TBC1D22B: variants seen among roughly 807,000 people sequenced by gnomAD.
TBC1D22B encodes TBC1 domain family member 22B, also known as chromosome 6 open reading frame 197.
Under a neutral mutation model 69.1 loss-of-function variants are expected in TBC1D22B, and 32 were observed. That is an observed-to-expected ratio of 0.46 (90% CI 0.35 to 0.62). The LOEUF is 0.62. Ranked by LOEUF, TBC1D22B falls within the 20% of genes least tolerant of loss-of-function variation. The probability of loss-of-function intolerance (pLI) is 0.00; values close to 1 mark genes in which losing one functional copy is unlikely to be tolerated. For missense variants in TBC1D22B, 462 were observed against 630.9 expected (o/e 0.73, Z 2.87); for synonymous variants, 206 against 229.8 (o/e 0.90, Z 0.94).
intron 8 of TBC1D22B, among the ~76,000 whole-genome samples, chr6:37,304,629 TG>T (rs1767655981): frequency 6.6e-6 from 1 of 151,976 alleles, no homozygotes; most frequent in Admixed American, 6.6e-5. Flanking sequence ...TGGTGGGAGG[TG>T]GGCTGAGAAT....
chr6:37,308,928 G>A (rs1767819551), intron 8 of TBC1D22B, among the ~76,000 whole-genome samples: 1 of 122,794 alleles, frequency 8.1e-6, no homozygotes. Context: ...AGGCAATATA[G>A]TAAGATCCTG....
intron 12 of TBC1D22B, among the ~76,000 whole-genome samples, chr6:37,324,588 C>T (rs142412370): frequency 5.3e-5 from 8 of 152,088 alleles, no homozygotes; most frequent in Non-Finnish European, 1.0e-4. Context: ...GGCAGTGTGA[C>T]ACCAATATGG....
intron 8 of TBC1D22B, 73 bp downstream of exon 8, chr6:37,291,430 C>A (rs1767179191): frequency 6.2e-6 from 7 of 1,134,530 alleles, no homozygotes; most frequent in African/African-American, 1.6e-5. Context: ...TTGTTTTTCC[C>A]AAGAGTCCAG....
chr6:37,269,732 A>G, intron 2 of TBC1D22B, 82 bp downstream of exon 2: 1 of 1,363,620 alleles, frequency 7.3e-7, no homozygotes, highest in Non-Finnish European at 1.0e-6. Context: ...GACAGTTTCC[A>G]CCTTGACATT....
chr6:37,314,481 G>A (rs1208654670), intron 10 of TBC1D22B, among the ~76,000 whole-genome samples: 2 of 152,160 alleles, frequency 1.3e-5, no homozygotes, highest in African/African-American at 4.8e-5. Context: ...ATTGAGATGT[G>A]GCTCTTCCTA....
intron 1 of TBC1D22B, among the ~76,000 whole-genome samples, chr6:37,264,770 A>G (rs1322153360): frequency 1.3e-5 from 2 of 152,214 alleles, no homozygotes; most frequent in Non-Finnish European, 2.9e-5. Context: ...TGCAGGATGG[A>G]TACAATTTTG....
intron 3 of TBC1D22B, among the ~76,000 whole-genome samples, chr6:37,280,941 G>A (rs1386564674): frequency 1.3e-5 from 2 of 152,046 alleles, no homozygotes; most frequent in Non-Finnish European, 2.9e-5. Context: ...TGCAGTGTGT[G>A]TCTGCATTTT....
At chr6:37,330,926 T>G in intron 12 of TBC1D22B, 118 bp from the exon 13 acceptor site, 172 of 1,016,040 alleles carry the variant, frequency 1.7e-4, no homozygotes, top group Non-Finnish European at 2.3e-4. Context: ...CTGGACTCTT[T>G]GAGATGTGTG....
Position 37,291,250 on chromosome 6 carries a change from A to G in TBC1D22B, c.875A>G (p.Glu292Gly). ...TCTTTCTCATTTTCCTAGATCTTTG[A>G]AAGAATTCTATTTATTTGGGCCATC... is the stretch of plus-strand genomic sequence containing the variant. ...FQQPLVQEIFERILFIWAIRH... is the reference protein window; with the variant it reads ...FQQPLVQEIFGRILFIWAIRH... The change falls in exon 8 of 13, where the codon GAA becomes GGA. Residue 292 changes from glutamate to glycine, a missense_variant. Physicochemically the swap from Glu to Gly is moderately conservative, Grantham distance 98. Transcript: ENST00000373491. 5 of 1,611,898 alleles carry G rather than the reference A, an allele frequency of 3.1e-6. No individual in the cohort carries two copies. Among genetic ancestry groups the G allele is most frequent in the Non-Finnish European group, 4.2e-6 (5 of 1,178,040 alleles).
Position 37,316,735 on chromosome 6 carries a change from G to A in TBC1D22B, c.1198G>A (p.Val400Ile). The A allele has an allele frequency of 1.2e-6, 2 of 1,614,190 alleles. No individual in the cohort carries two copies. Among genetic ancestry groups the A allele is most frequent in the African/African-American group, 1.3e-5 (1 of 75,052 alleles). ...QVHNHFRRYE[V>I]EYLQFAFRWM... Reference sequence around the variant, plus strand: ...ACATAATCACTTCAGGAGGTACGAGGTAGAATACCTGCAGTTTGCCTTCCG... The same window carrying A: ...ACATAATCACTTCAGGAGGTACGAGATAGAATACCTGCAGTTTGCCTTCCG... The change falls in exon 11 of 13, where the codon GTA (valine) becomes ATA (isoleucine). Residue 400 changes from valine to isoleucine, a missense_variant. Physicochemically the swap from Val to Ile is conservative, Grantham distance 29. Coordinates refer to ENST00000373491, the MANE Select transcript of TBC1D22B (RefSeq NM_017772.4).
chr6:37,269,587 C>G lies in TBC1D22B; in HGVS notation c.57-7C>G. The G allele has an allele frequency of 6.2e-7, 1 of 1,613,924 alleles. No homozygotes were observed. The highest frequency in any genetic ancestry group is 1.1e-5 in the South Asian group (1 of 91,078). On this transcript the variant is annotated splice_polypyrimidine_tract_variant and splice_region_variant and intron_variant, in intron 1 of 12. Coordinates refer to ENST00000373491, the MANE Select transcript of TBC1D22B (RefSeq NM_017772.4). ...TAACTATTTCTTCCTTTTGTTTTTGCTTTTAGCATTCAGCCTGTATATGGA... is the reference window on the plus strand; with the variant it reads ...TAACTATTTCTTCCTTTTGTTTTTGGTTTTAGCATTCAGCCTGTATATGGA...
At chr6:37,259,241 TAGAA>T (rs1765980647) in intron 1 of TBC1D22B, among the ~76,000 whole-genome samples, 3 of 152,280 alleles carry the variant, frequency 2.0e-5, no homozygotes, top group African/African-American at 7.2e-5. Flanking sequence ...ATTAAAGTAA[TAGAA>T]AGGAATGCAA....
In TBC1D22B at chr6:37,317,286, A is replaced by AGGTGCCATAGCAGCC. The variant is rs1768111456; in HGVS notation, c.1389+80_1389+81insGGTGCCATAGCAGCC. 7.2e-6 allele frequency: 10 copies of AGGTGCCATAGCAGCC among 1,384,018 alleles called. No individual in the cohort carries two copies. In the South Asian group the frequency reaches 1.2e-4, roughly 17 times the overall value. The allele number at this position is 1,384,018 out of a possible 1,614,324, so 85.7% of individuals were successfully genotyped here. On this transcript the variant is annotated intron_variant, in intron 12 of 12. Coordinates refer to ENST00000373491, the MANE Select transcript of TBC1D22B (RefSeq NM_017772.4). ...GCCCCTCAGTGGGCAGTGCAGACAG[A>AGGTGCCATAGCAGCC]AGGTGCCATAGCAGGTACCTGGCTG...
intron 12 of TBC1D22B, among the ~76,000 whole-genome samples, chr6:37,322,068 A>G (rs918669155): frequency 3.3e-5 from 5 of 152,174 alleles, no homozygotes; most frequent in Admixed American, 6.5e-5. Flanking sequence ...GGTCATTTTT[A>G]CATAATCACA....
chr6:37,305,855 T>C (rs1425897740), intron 8 of TBC1D22B, among the ~76,000 whole-genome samples: 1 of 152,212 alleles, frequency 6.6e-6, no homozygotes, highest in Non-Finnish European at 1.5e-5. Flanking sequence ...CTAATTTGAA[T>C]CATATAGTAA....
chr6:37,296,002 G>A (rs1027609706), intron 8 of TBC1D22B, among the ~76,000 whole-genome samples: 3 of 152,232 alleles, frequency 2.0e-5, no homozygotes, highest in African/African-American at 7.2e-5. Context: ...ACCCTGGTCA[G>A]TCAGCAGCCA....
In TBC1D22B at chr6:37,279,602, A is replaced by G. The variant is rs955594652; in HGVS notation, c.412A>G (p.Arg138Gly). 6.2e-7 allele frequency: 1 copy of G among 1,609,802 alleles called. No homozygotes were observed. Among genetic ancestry groups the G allele is most frequent in the African/African-American group, 1.3e-5 (1 of 74,728 alleles). The change falls in exon 3 of 13, where the codon AGA (arginine) becomes GGA (glycine). Residue 138 changes from arginine (R) to glycine (G), a missense_variant. Arg to Gly is a moderately radical substitution (Grantham distance 125, BLOSUM62 -2). This residue lies in a region of TBC1D22B where 237 missense variants were observed against 255.4 expected (regional missense o/e 0.93). Coordinates refer to ENST00000373491, the MANE Select transcript of TBC1D22B (RefSeq NM_017772.4). Reference protein sequence around the residue: ...IKSSSDAQLSRNSSDTCLRNP... With the variant: ...IKSSSDAQLSGNSSDTCLRNP... ...GTCCAGCAGTGATGCCCAGCTGTCCAGAAACTCTAGTAAGTCCTTCCTGCT... is the reference window on the plus strand; with the variant it reads ...GTCCAGCAGTGATGCCCAGCTGTCCGGAAACTCTAGTAAGTCCTTCCTGCT...
At chr6:37,329,240 T>G (rs1360946292) in intron 12 of TBC1D22B, among the ~76,000 whole-genome samples, 2 of 152,326 alleles carry the variant, frequency 1.3e-5, no homozygotes, top group East Asian at 1.9e-4. Context: ...AGTGGGATCA[T>G]ACTGTAAATA....
At chr6:37,309,475 T>C (rs1767838181) in intron 8 of TBC1D22B, among the ~76,000 whole-genome samples, 1 of 152,254 alleles carries the variant, frequency 6.6e-6, no homozygotes, top group Non-Finnish European at 1.5e-5. Context: ...TATGGAGCTC[T>C]GGATCTTCCT....
Sources: gnomAD v4.1 joint callset for allele counts (sites outside exome capture counted in the v4.1 genomes callset) on GRCh38, gnomAD v4.1.1 for gene constraint, gnomAD v4.1.1 regional missense constraint, MANE v1.5 for transcripts, NCBI Gene and HGNC (gene_info 2026-07-23, HGNC 2026-07-21) for gene names.